Variants in TRAM2 observed in about 807,000 individuals in gnomAD.
The protein encoded by TRAM2 is translocating chain-associated membrane protein 2.
In TRAM2, 12 loss-of-function variants were observed where a neutral mutation model predicts 51.0. The observed-to-expected ratio is 0.24, with a 90% CI of 0.15 to 0.38. The LOEUF (loss-of-function observed/expected upper bound fraction) is 0.38, where lower values mean the gene tolerates loss of function less well. Ranked by LOEUF, TRAM2 falls within the 10% of genes least tolerant of loss-of-function variation. The pLI is 1.00. For missense variants in TRAM2, 361 were observed against 462.0 expected, an observed-to-expected ratio of 0.78 and a Z score of 2.00; for synonymous variants, 175 against 179.4, an observed-to-expected ratio of 0.98 and a Z score of 0.20.
intron 2 of TRAM2, among the ~76,000 whole-genome samples, chr6:52,535,110 G>A (rs1264652210): frequency 1.3e-5 from 2 of 152,106 alleles, no homozygotes; most frequent in Non-Finnish European, 2.9e-5. Context: ...CTATCAAAAC[G>A]CAACATCCTG....
intron 2 of TRAM2, among the ~76,000 whole-genome samples, chr6:52,521,912 C>T (rs1031019501): frequency 6.6e-5 from 10 of 152,120 alleles, no homozygotes; most frequent in African/African-American, 2.4e-4. Flanking sequence ...ACATCTCTGG[C>T]CTATGAGGCC....
intron 2 of TRAM2, among the ~76,000 whole-genome samples, chr6:52,530,747 G>A (rs1450747584): frequency 2.0e-5 from 3 of 152,206 alleles, no homozygotes; most frequent in South Asian, 4.2e-4. Context: ...CCGTGGTCTC[G>A]GGATTCTAGA....
In TRAM2 at chr6:52,506,372, T is replaced by C. The variant is rs148914896; in HGVS notation, c.627-236A>G. 1.5e-3 allele frequency among the ~76,000 whole-genome samples: 221 copies of C among 152,318 alleles called. 1 individual carries two copies. The highest frequency in any genetic ancestry group is 5.1e-3 in the African/African-American group (211 of 41,562). On this transcript the variant is annotated intron_variant, in intron 7 of 10. Coordinates refer to ENST00000182527, the MANE Select transcript of TRAM2 (RefSeq NM_012288.4). ...GCTGTCCTGTCTCAGTCAGATGCCCTTGCCTGCTCCCACAGCAAACCTCGC... is the reference window on the plus strand; with the variant it reads ...GCTGTCCTGTCTCAGTCAGATGCCCCTGCCTGCTCCCACAGCAAACCTCGC...
rs56919932 is a variant in TRAM2, at chr6:52,541,803, G to GTTTTTTTTTTTTTTT, written c.121-5958_121-5957insAAAAAAAAAAAAAAA. 1.5e-3 allele frequency among the ~76,000 whole-genome samples: 203 copies of GTTTTTTTTTTTTTTT among 138,670 alleles called. 2 individuals carry two copies. Among genetic ancestry groups the GTTTTTTTTTTTTTTT allele is most frequent in the South Asian group, 2.1e-3 (9 of 4,246 alleles). The allele number at this position is 138,670 out of a possible 152,430, so 91.0% of individuals were successfully genotyped here. On this transcript the variant is annotated intron_variant, in intron 1 of 10. Transcript: ENST00000182527. The stretch of plus-strand genomic sequence containing the variant: ...TAAATCCTTTGGTTCAGTTTATTCT[G>GTTTTTTTTTTTTTTT]TTTTTTTTTTTTTTGGCAGACACAT...
At chr6:52,520,669 G>C (rs748311782) in intron 2 of TRAM2, among the ~76,000 whole-genome samples, 3 of 152,152 alleles carry the variant, frequency 2.0e-5, no homozygotes, top group Non-Finnish European at 2.9e-5. Flanking sequence ...AGTTCACAGA[G>C]TTAAGGGACA....
intron 2 of TRAM2, among the ~76,000 whole-genome samples, chr6:52,518,792 T>C (rs911314020): frequency 1.3e-5 from 2 of 152,180 alleles, no homozygotes; most frequent in African/African-American, 4.8e-5. Flanking sequence ...CTTGCCTTCT[T>C]CATAAAGAGA....
intron 1 of TRAM2, among the ~76,000 whole-genome samples, chr6:52,564,793 G>A (rs751556438): frequency 5.9e-5 from 9 of 152,212 alleles, no homozygotes; most frequent in Non-Finnish European, 5.9e-5. Flanking sequence ...GAATAAACAA[G>A]AGAAAGACAG....
chr6:52,520,345 A>T (rs1189466138), intron 2 of TRAM2, among the ~76,000 whole-genome samples: 1 of 152,222 alleles, frequency 6.6e-6, no homozygotes, highest in Non-Finnish European at 1.5e-5. Context: ...TCACATGTTC[A>T]TAGAGACCTC....
intron 1 of TRAM2, among the ~76,000 whole-genome samples, chr6:52,536,294 T>C (rs1766976599): frequency 6.6e-6 from 1 of 152,228 alleles, no homozygotes; most frequent in African/African-American, 2.4e-5. Context: ...AGAGCAGCCC[T>C]GAAAGTCGAC....
At chr6:52,571,342 A>C (rs933931554) in intron 1 of TRAM2, among the ~76,000 whole-genome samples, 39 of 152,206 alleles carry the variant, frequency 2.6e-4, no homozygotes, top group Admixed American at 4.6e-4. Flanking sequence ...GCAGATCAAA[A>C]AGGAGCTCAT....
chr6:52,552,955 T>C (rs1767335451), intron 1 of TRAM2, among the ~76,000 whole-genome samples: 1 of 152,188 alleles, frequency 6.6e-6, no homozygotes, highest in Non-Finnish European at 1.5e-5. Flanking sequence ...CTACTCCCAA[T>C]GCTGCTAAGA....
intron 1 of TRAM2, among the ~76,000 whole-genome samples, chr6:52,566,997 A>G (rs772683102): frequency 7.9e-5 from 12 of 152,352 alleles, no homozygotes; most frequent in Non-Finnish European, 1.6e-4. Context: ...CTTGTGATTA[A>G]GCAATGTGTC....
chr6:52,566,738 A>T (rs1205626046), intron 1 of TRAM2, among the ~76,000 whole-genome samples: 1 of 152,168 alleles, frequency 6.6e-6, no homozygotes, highest in African/African-American at 2.4e-5. Context: ...CAAAGGACGG[A>T]CTATTCTATT....
At position 52,501,063 on chromosome 6, in the gene TRAM2, G is replaced by A. The variant is rs1440085650; in HGVS notation, c.*2134C>T. The A allele has an allele frequency of 6.6e-6, 1 of 152,180 alleles. No homozygotes were observed. Among genetic ancestry groups the A allele is most frequent in the African/African-American group, 2.4e-5 (1 of 41,434 alleles). The allele number at this position is 152,180 out of a possible 1,614,324, so 9.4% of individuals were successfully genotyped here. ...TGAACTCAATTATAGACTCTGTCAG[G>A]GCTGTTTGACTAAAGTGGCTAAGGG... On this transcript the variant is annotated 3_prime_UTR_variant, in exon 11 of 11. Coordinates refer to ENST00000182527, the MANE Select transcript of TRAM2 (RefSeq NM_012288.4).
intron 1 of TRAM2, among the ~76,000 whole-genome samples, chr6:52,576,155 G>C (rs1250132664): frequency 1.3e-5 from 2 of 152,152 alleles, no homozygotes; most frequent in Non-Finnish European, 2.9e-5. Context: ...TGGATCTAAA[G>C]GGACAGTTCA....
In TRAM2 at chr6:52,530,590, T is replaced by C. The variant is rs538058745; in HGVS notation, c.184+5193A>G. ...ACTGTGTCCTTATGAAAAAGAGAAA[T>C]TTGGACACACAGACTGACACGCACA... is the stretch of plus-strand genomic sequence containing the variant. On this transcript the variant is annotated intron_variant, in intron 2 of 10. Transcript: ENST00000182527. Among the ~76,000 whole-genome samples, 12 of 152,078 alleles carry C rather than the reference T, an allele frequency of 7.9e-5. 1 individual carries two copies. In the East Asian group the frequency reaches 2.3e-3, roughly 29 times the overall value.
At chr6:52,567,120 G>A (rs1022664730) in intron 1 of TRAM2, among the ~76,000 whole-genome samples, 4 of 152,160 alleles carry the variant, frequency 2.6e-5, no homozygotes, top group African/African-American at 4.8e-5. Context: ...TCAGACTCAC[G>A]TCCCTTAGGC....
At chr6:52,532,579 A>G (rs1766911681) in intron 2 of TRAM2, among the ~76,000 whole-genome samples, 2 of 152,232 alleles carry the variant, frequency 1.3e-5, no homozygotes, top group Non-Finnish European at 2.9e-5. Context: ...AATTCCAGTA[A>G]TAGGAAGTTA....
rs948803034 is a variant in TRAM2, at chr6:52,501,677, G to C, written c.*1520C>G. 6.6e-6 allele frequency: 1 copy of C among 152,268 alleles called. No individual in the cohort carries two copies. Among genetic ancestry groups the C allele is most frequent in the Non-Finnish European group, 1.5e-5 (1 of 68,124 alleles). The allele number at this position is 152,268 out of a possible 1,614,324, so 9.4% of individuals were successfully genotyped here. The stretch of plus-strand genomic sequence containing the variant: ...TTCTCCTGCCTCAGCCTCCCGAGTA[G>C]CTGGGATTACAGGTGCCTGCCACTA... On this transcript the variant is annotated 3_prime_UTR_variant, in exon 11 of 11. Coordinates refer to ENST00000182527, the MANE Select transcript of TRAM2 (RefSeq NM_012288.4).
Sources: gnomAD v4.1 joint callset for allele counts (sites outside exome capture counted in the v4.1 genomes callset) on GRCh38, gnomAD v4.1.1 for gene constraint, MANE v1.5 for transcripts, NCBI Gene and HGNC (gene_info 2026-07-23, HGNC 2026-07-21) for gene names.